SP6: variants seen among roughly 807,000 people sequenced by gnomAD.
The protein encoded by SP6 is Sp6 transcription factor, also known as transcription factor Sp6.
Under a neutral mutation model 23.4 loss-of-function variants are expected in SP6, and 10 were observed. The observed-to-expected ratio is 0.43, with a 90% CI of 0.26 to 0.72. SP6 has a LOEUF of 0.72. SP6 is among the 30% of genes least tolerant of loss of function. The pLI is 0.23. For synonymous variants in SP6, 238 were observed against 238.7 expected, an observed-to-expected ratio of 1.00 and a Z score of 0.03; for missense variants, 482 against 523.8, an observed-to-expected ratio of 0.92 and a Z score of 0.78.
chr17:47,861,509 G>T, the SP6 span, among the ~76,000 whole-genome samples: 1 of 152,212 alleles, frequency 6.6e-6, no homozygotes, highest in Non-Finnish European at 1.5e-5. Context: ...GAGGTGGGTG[G>T]ATCACTTGAG....
At chr17:47,864,119 C>T in the SP6 span, among the ~76,000 whole-genome samples, 2 of 150,344 alleles carry the variant, frequency 1.3e-5, no homozygotes, top group African/African-American at 4.9e-5. Flanking sequence ...GCTGGGATTA[C>T]AGGCGTGAGC....
chr17:47,869,321 T>C, the SP6 span, among the ~76,000 whole-genome samples: 7 of 152,106 alleles, frequency 4.6e-5, no homozygotes, highest in African/African-American at 1.2e-4. Flanking sequence ...TGGAATCCCT[T>C]TGGAGGGGTG....
the SP6 span, among the ~76,000 whole-genome samples, chr17:47,876,044 C>T: frequency 6.6e-6 from 1 of 152,134 alleles, no homozygotes; most frequent in Non-Finnish European, 1.5e-5. Context: ...AAAAACCCTA[C>T]CATTAGAGTG....
chr17:47,862,320 G>A, the SP6 span, among the ~76,000 whole-genome samples: 2 of 149,534 alleles, frequency 1.3e-5, no homozygotes, highest in South Asian at 2.1e-4. Context: ...CTCCAGGCTG[G>A]GTGACAGAGC....
the SP6 span, among the ~76,000 whole-genome samples, chr17:47,873,355 A>G: frequency 0.23 from 35,136 of 152,102 alleles, 4,406 homozygotes; most frequent in Non-Finnish European, 0.27. Flanking sequence ...CCCAAAGTAC[A>G]GATGGGGAAA....
chr17:47,863,840 G>A, the SP6 span, among the ~76,000 whole-genome samples: 575 of 149,214 alleles, frequency 3.9e-3, 6 homozygotes, highest in African/African-American at 0.013. Flanking sequence ...CTGGGTTCAC[G>A]CCATTCTCCT....
chr17:47,869,063 C>T, the SP6 span, among the ~76,000 whole-genome samples: 1 of 152,210 alleles, frequency 6.6e-6, no homozygotes, highest in African/African-American at 2.4e-5. Flanking sequence ...TCCCCACTCC[C>T]CCATATCTTG....
upstream of SP6, among the ~76,000 whole-genome samples, chr17:47,851,380 G>GC (rs2033955092): frequency 6.6e-6 from 1 of 152,176 alleles, no homozygotes; most frequent in African/African-American, 2.4e-5. Flanking sequence ...AGGGAGAGGG[G>GC]CCCGGGTGGG....
the SP6 span, among the ~76,000 whole-genome samples, chr17:47,862,366 G>GATCCATTTCTCAAA: frequency 6.7e-6 from 1 of 150,276 alleles, no homozygotes; most frequent in Non-Finnish European, 1.5e-5. Context: ...AAAAAAATTG[G>GATCCATTTCTCAAA]GTGTGGTGGC....
At chr17:47,853,144 T>C (rs2033973978), upstream of SP6, among the ~76,000 whole-genome samples, 1 of 152,228 alleles carries the variant, frequency 6.6e-6, no homozygotes, top group Non-Finnish European at 1.5e-5. Flanking sequence ...GACAGGTATT[T>C]GGAAGCCGGA....
the SP6 span, among the ~76,000 whole-genome samples, chr17:47,866,222 G>A: frequency 2.0e-5 from 3 of 152,154 alleles, no homozygotes; most frequent in South Asian, 2.1e-4. Flanking sequence ...GAAGAGAAAC[G>A]GGAAGACTCT....
At chr17:47,853,276 GC>G (rs1479714298), upstream of SP6, among the ~76,000 whole-genome samples, 1 of 152,198 alleles carries the variant, frequency 6.6e-6, no homozygotes, top group African/African-American at 2.4e-5. Context: ...TGTGGCCATG[GC>G]TAATTTGACA....
the SP6 span, among the ~76,000 whole-genome samples, chr17:47,875,524 C>T: frequency 6.6e-6 from 1 of 152,240 alleles, no homozygotes; most frequent in African/African-American, 2.4e-5. Flanking sequence ...GAACCCACCA[C>T]TTCATATCCA....
At chr17:47,868,991 C>G in the SP6 span, among the ~76,000 whole-genome samples, 1 of 152,218 alleles carries the variant, frequency 6.6e-6, no homozygotes, top group East Asian at 1.9e-4. Flanking sequence ...GCACCAGAGC[C>G]GGGCTGTCTG....
chr17:47,848,986 C>T lies in SP6; in HGVS notation c.-57-500G>A, dbSNP rs1048404648. Among the ~76,000 whole-genome samples the T allele has an allele frequency of 4.6e-5, 7 of 152,150 alleles. No homozygotes were observed. The highest frequency in any genetic ancestry group is 1.2e-4 in the African/African-American group (5 of 41,438). On this transcript the variant is annotated intron_variant, in intron 1 of 1. Transcript: ENST00000536300. This position sits in a 1 kb window ranked among gnomAD's most constrained non-coding sequence, Gnocchi z 5.3. ...GACCTGCCCCTCATAAAGCCTCAAA[C>T]GGGTCCTGAGTCTTTGAAAGAGTTC...
chr17:47,865,603 A>G, the SP6 span, among the ~76,000 whole-genome samples: 2 of 152,202 alleles, frequency 1.3e-5, no homozygotes, highest in African/African-American at 2.4e-5. Flanking sequence ...GAGATCACTC[A>G]GCAAATTAAT....
rs769579608 is a variant in SP6 at position 47,847,829 on chromosome 17, C to G, written c.601G>C (p.Gly201Arg). The G allele has an allele frequency of 2.6e-6, 4 of 1,524,670 alleles. No homozygotes were observed. In the African/African-American group the frequency reaches 5.5e-5, roughly 21 times the overall value. 94.4% of individuals were successfully genotyped at this position (1,524,670 alleles called of 1,614,324 possible). ...GCCCCGTCCAGGCTGGAATCCAGCC[C>G]TTGAGACTCCGGGGCGGCTACTTCC... is the stretch of plus-strand genomic sequence containing the variant. ...ALEVAAPESQ[G>R]LDSSLDGAAR... The change falls in exon 2 of 2, where the codon GGG becomes CGG. Residue 201 changes from glycine to arginine, a missense_variant. Around this residue, in one of 3 missense-constraint regions of SP6, gnomAD observed 330 missense variants for 332.3 expected, o/e 0.99. Transcript: ENST00000536300.
chr17:47,870,991 A>T, the SP6 span, among the ~76,000 whole-genome samples: 2 of 152,144 alleles, frequency 1.3e-5, no homozygotes, highest in Non-Finnish European at 2.9e-5. Flanking sequence ...TGCTGAGAAG[A>T]GGGATTCTTC....
At chr17:47,852,439 G>A (rs1405375258), upstream of SP6, among the ~76,000 whole-genome samples, 1 of 152,084 alleles carries the variant, frequency 6.6e-6, no homozygotes, top group African/African-American at 2.4e-5. Flanking sequence ...TTTCACAGGG[G>A]AATGCAGATT....
Sources: allele counts gnomAD v4.1 joint callset (sites outside exome capture counted in the v4.1 genomes callset), GRCh38; gene constraint gnomAD v4.1.1; regional missense constraint gnomAD v4.1.1; non-coding constraint Gnocchi (gnomAD v3.1); transcripts MANE v1.5; gene names NCBI Gene and HGNC (gene_info 2026-07-23, HGNC 2026-07-21).